CA10: variants seen among roughly 807,000 people sequenced by gnomAD.
CA10 encodes the protein carbonic anhydrase 10 (inactive).
A neutral mutation model predicts 44.2 loss-of-function variants in CA10; 14 were observed. The ratio of observed to expected loss-of-function variants is 0.32; its 90% CI spans 0.21 to 0.50. CA10 has a LOEUF of 0.50. Ranked by LOEUF, CA10 falls within the 20% of genes least tolerant of loss-of-function variation. The pLI is 0.99. For missense variants in CA10, 350 were observed against 409.7 expected (o/e 0.85, Z 1.26); for synonymous variants, 159 against 141.6 (o/e 1.12, Z -0.87).
intron 3 of CA10, among the ~76,000 whole-genome samples, chr17:51,822,071 G>T (rs1907823315): frequency 6.6e-6 from 1 of 152,066 alleles, no homozygotes; most frequent in African/African-American, 2.4e-5. Context: ...CCTTTCTACA[G>T]ATATACACAT....
At chr17:51,971,526 A>G (rs1240687414) in intron 2 of CA10, among the ~76,000 whole-genome samples, 9 of 152,124 alleles carry the variant, frequency 5.9e-5, no homozygotes, top group Non-Finnish European at 1.0e-4. Flanking sequence ...TGATCTAGCT[A>G]GAGAGCAACC....
intron 2 of CA10, among the ~76,000 whole-genome samples, chr17:52,013,741 T>C (rs1985881497): frequency 6.6e-6 from 1 of 151,982 alleles, no homozygotes; most frequent in African/African-American, 2.4e-5. Context: ...TATTCAGAAG[T>C]AGATTACAGT....
chr17:52,012,790 T>C (rs1003868442), intron 2 of CA10, among the ~76,000 whole-genome samples: 3 of 151,312 alleles, frequency 2.0e-5, no homozygotes, highest in Admixed American at 6.6e-5. Context: ...AATGATAAGT[T>C]TGAACATAAA....
chr17:52,152,979 G>A (rs1158298844), intron 1 of CA10, among the ~76,000 whole-genome samples: 2 of 151,972 alleles, frequency 1.3e-5, no homozygotes, highest in Non-Finnish European at 1.5e-5. Flanking sequence ...TTCTATAATG[G>A]CTTGCTATCA....
chr17:52,065,884 G>T (rs1313238254), intron 2 of CA10, among the ~76,000 whole-genome samples: 1 of 152,112 alleles, frequency 6.6e-6, no homozygotes, highest in Admixed American at 6.5e-5. Context: ...GGACCTGGTG[G>T]GACATAATTG....
chr17:51,775,664 C>T (rs182225010), intron 3 of CA10, among the ~76,000 whole-genome samples: 6 of 152,266 alleles, frequency 3.9e-5, no homozygotes, highest in Admixed American at 3.9e-4. Context: ...TGCACAATTA[C>T]ATGGCAATAA....
At chr17:51,976,705 A>G (rs960713274) in intron 2 of CA10, among the ~76,000 whole-genome samples, 8 of 152,068 alleles carry the variant, frequency 5.3e-5, no homozygotes, top group African/African-American at 1.9e-4. Flanking sequence ...AGATAAAATA[A>G]AAAACAAATT....
intron 3 of CA10, among the ~76,000 whole-genome samples, chr17:51,884,661 CTG>C (rs1980521051): frequency 6.6e-6 from 1 of 152,190 alleles, no homozygotes; most frequent in South Asian, 2.1e-4. Flanking sequence ...TGTCCTAGTG[CTG>C]TGTTACAAAT....
intron 2 of CA10, among the ~76,000 whole-genome samples, chr17:51,988,370 C>T (rs1343282129): frequency 6.6e-6 from 1 of 151,742 alleles, no homozygotes; most frequent in Non-Finnish European, 1.5e-5. Flanking sequence ...GGAGAAAAAC[C>T]AAGAGAGGAT....
chr17:52,116,043 G>C (rs1327214294), intron 1 of CA10, among the ~76,000 whole-genome samples: 1 of 150,868 alleles, frequency 6.6e-6, no homozygotes, highest in African/African-American at 2.4e-5. Flanking sequence ...AGTGAGCTGA[G>C]ATTGGGCCAC....
intron 4 of CA10, among the ~76,000 whole-genome samples, chr17:51,655,001 T>TAA (rs1425587897): frequency 6.6e-6 from 1 of 152,194 alleles, no homozygotes; most frequent in African/African-American, 2.4e-5. Context: ...TTTGTGCTTA[T>TAA]AAGTCACACA....
intron 3 of CA10, among the ~76,000 whole-genome samples, chr17:51,920,319 AG>A (rs1346005402): frequency 6.6e-6 from 1 of 152,116 alleles, no homozygotes; most frequent in Non-Finnish European, 1.5e-5. Flanking sequence ...AGGAAGTGAA[AG>A]GACAGGGAAA....
chr17:51,875,959 G>C (rs1054643551), intron 3 of CA10, among the ~76,000 whole-genome samples: 8 of 152,062 alleles, frequency 5.3e-5, no homozygotes, highest in African/African-American at 1.9e-4. Context: ...ATGCCTTTGA[G>C]ATTCATATAT....
At chr17:51,787,043 ATCTT>A (rs1906317122) in intron 3 of CA10, among the ~76,000 whole-genome samples, 3 of 152,138 alleles carry the variant, frequency 2.0e-5, no homozygotes. Flanking sequence ...ATGATGTATG[ATCTT>A]TCTAATATAC....
In CA10 at chr17:51,649,232, A is replaced by C; in HGVS notation, c.584T>G (p.Phe195Cys). 1 of 1,613,366 alleles carries C rather than the reference A, an allele frequency of 6.2e-7. No homozygotes were observed. The highest frequency in any genetic ancestry group is 2.2e-5 in the East Asian group (1 of 44,868). The change falls in exon 6 of 9, where the codon TTT (phenylalanine) becomes TGT (cysteine). Residue 195 changes from phenylalanine to cysteine, a missense_variant. Coordinates refer to ENST00000451037, the MANE Select transcript of CA10 (RefSeq NM_020178.5). Reference protein sequence around the residue: ...FIKVSDSSNPFLNRMLNRDTI... With the variant: ...FIKVSDSSNPCLNRMLNRDTI... The stretch of plus-strand genomic sequence containing the variant: ...ATCTCTGTTGAGCATTCGATTAAGA[A>C]ATGGGTTTGATGAATCAGAAACCTG...
intron 4 of CA10, 66 bp downstream of exon 4, chr17:51,747,567 G>T (rs2143605482): frequency 7.5e-7 from 1 of 1,328,004 alleles, no homozygotes; most frequent in East Asian, 2.3e-5. Flanking sequence ...TCCCATCTTG[G>T]ACACAAACAG....
intron 3 of CA10, among the ~76,000 whole-genome samples, chr17:51,924,053 C>T (rs1051169633): frequency 2.6e-5 from 4 of 152,138 alleles, no homozygotes. Flanking sequence ...ATTAATATTA[C>T]AGGCCAAGGT....
intron 3 of CA10, among the ~76,000 whole-genome samples, chr17:51,821,072 CCTT>C: frequency 9.0e-6 from 1 of 111,634 alleles, no homozygotes; most frequent in African/African-American, 3.6e-5. Context: ...TCTCTCCCTT[CCTT>C]CCTCCCTCCC....
chr17:51,792,433 T>C (rs1254404976), intron 3 of CA10, among the ~76,000 whole-genome samples: 1 of 152,188 alleles, frequency 6.6e-6, no homozygotes, highest in Non-Finnish European at 1.5e-5. Context: ...ACTTGAGCAA[T>C]AGAAGATTGG....
Sources: allele counts gnomAD v4.1 joint callset (sites outside exome capture counted in the v4.1 genomes callset), GRCh38; gene constraint gnomAD v4.1.1; transcripts MANE v1.5; gene names NCBI Gene and HGNC (gene_info 2026-07-23, HGNC 2026-07-21).